R3HDM1: variants seen among roughly 807,000 people sequenced by gnomAD.
The protein encoded by R3HDM1 is R3H domain-containing protein 1.
R3HDM1 carries 46 observed loss-of-function variants against 141.1 expected under a neutral mutation model. That is an observed-to-expected ratio of 0.33 (90% CI 0.26 to 0.42). The LOEUF is 0.42. Among genes scored for constraint, R3HDM1 ranks in the 10% least tolerant of loss-of-function variants. The probability of loss-of-function intolerance (pLI) is 1.00; values close to 1 mark genes in which losing one functional copy is unlikely to be tolerated. For missense variants in R3HDM1, 1,184 were observed against 1,368.3 expected (o/e 0.87, Z 2.12); for synonymous variants, 435 against 472.9 (o/e 0.92, Z 1.04).
chr2:135,544,486 T>C (rs1173827148), intron 1 of R3HDM1, among the ~76,000 whole-genome samples: 1 of 152,172 alleles, frequency 6.6e-6, no homozygotes, highest in East Asian at 1.9e-4. Context: ...TTATCCGGCC[T>C]TTTAACTACA....
intron 21 of R3HDM1, among the ~76,000 whole-genome samples, chr2:135,703,017 G>A (rs2074441158): frequency 6.6e-6 from 1 of 152,100 alleles, no homozygotes; most frequent in South Asian, 2.1e-4. Context: ...ATCCTAATGC[G>A]CTGGTCAGAA....
intron 21 of R3HDM1, among the ~76,000 whole-genome samples, chr2:135,690,894 G>T (rs890266185): frequency 1.3e-5 from 2 of 151,926 alleles, no homozygotes; most frequent in Non-Finnish European, 2.9e-5. Context: ...GTAATACTTT[G>T]GATTTAAATT....
At chr2:135,655,365 C>T (rs2105290175) in intron 18 of R3HDM1, among the ~76,000 whole-genome samples, 1 of 152,216 alleles carries the variant, frequency 6.6e-6, no homozygotes, top group Admixed American at 6.5e-5. Context: ...CTCACCTTAC[C>T]CCATTATGTA....
intron 21 of R3HDM1, among the ~76,000 whole-genome samples, chr2:135,683,072 G>A (rs992081934): frequency 3.9e-5 from 6 of 152,164 alleles, no homozygotes; most frequent in African/African-American, 1.4e-4. Flanking sequence ...CTTGAAATAA[G>A]GTAGATGTAA....
rs189258176 is a variant in R3HDM1 at position 135,630,991 on chromosome 2, T to C, written c.498-727T>C. Among the ~76,000 whole-genome samples the C allele has an allele frequency of 7.2e-5, 11 of 152,282 alleles. No individual in the cohort carries two copies. The East Asian group carries it at 1.9e-3, about 27-fold the overall frequency. On this transcript the variant is annotated intron_variant, in intron 7 of 26. Transcript: ENST00000683871. ...ATACAGGTACTCCCTAGAGTCCTTA[T>C]TTATTTTATATGTTGGAGGTTTTTG...
chr2:135,629,319 C>G (rs1197751754), intron 7 of R3HDM1, among the ~76,000 whole-genome samples: 1 of 151,636 alleles, frequency 6.6e-6, no homozygotes, highest in African/African-American at 2.4e-5. Context: ...GTCTCAAAAA[C>G]AAACAAACAA....
chr2:135,672,690 G>A (rs940160922), intron 19 of R3HDM1, among the ~76,000 whole-genome samples: 63 of 152,168 alleles, frequency 4.1e-4, no homozygotes, highest in African/African-American at 1.4e-3. Flanking sequence ...TATATTTCAT[G>A]TCAAATTTTC....
chr2:135,572,723 G>A (rs1407854645), intron 1 of R3HDM1, among the ~76,000 whole-genome samples: 2 of 149,636 alleles, frequency 1.3e-5, no homozygotes, highest in Admixed American at 1.3e-4. Flanking sequence ...GTTCATAGCA[G>A]CATATTTATA....
chr2:135,631,996 A>G lies in R3HDM1; in HGVS notation c.693A>G (p.Thr231=). The G allele has an allele frequency of 6.2e-7, 1 of 1,601,330 alleles. No homozygotes were observed. The highest frequency in any genetic ancestry group is 1.7e-5 in the Admixed American group (1 of 58,816). Residue 231 remains threonine, a synonymous_variant, in exon 9 of 27, where the codon ACA becomes ACG. Transcript: ENST00000683871. ...TCATAGTAAACAAAACTAGCAATACAAGAATGTAAGTGTCAAGAGATGTAA... is the reference window on the plus strand; with the variant it reads ...TCATAGTAAACAAAACTAGCAATACGAGAATGTAAGTGTCAAGAGATGTAA... The part of the protein sequence containing the change: ...KSVIVNKTSN[T]RIPDQKFNEH...
chr2:135,640,096 C>T (rs2063636875), intron 14 of R3HDM1, among the ~76,000 whole-genome samples: 1 of 145,018 alleles, frequency 6.9e-6, no homozygotes, highest in African/African-American at 2.5e-5. Context: ...GAGACTCCGT[C>T]TCAAAAAAAA....
chr2:135,568,597 G>T (rs1198815564), intron 1 of R3HDM1, among the ~76,000 whole-genome samples: 1 of 150,220 alleles, frequency 6.7e-6, no homozygotes, highest in African/African-American at 2.5e-5. Flanking sequence ...TGATCTACCC[G>T]CCTTGGCCTC....
intron 1 of R3HDM1, among the ~76,000 whole-genome samples, chr2:135,533,407 TA>T (rs1348849556): frequency 6.6e-6 from 1 of 152,234 alleles, no homozygotes; most frequent in Non-Finnish European, 1.5e-5. Context: ...TGATAAATTA[TA>T]CAATCGATAC....
chr2:135,615,881 A>G lies in R3HDM1; in HGVS notation c.172-271A>G, dbSNP rs1035263985. ...CACCATATAAGTTCCATTGTACTCA[A>G]TTAACACAGAAATTGTGGCCATTTG... On this transcript the variant is annotated intron_variant, in intron 3 of 26. Coordinates refer to ENST00000683871, the MANE Select transcript of R3HDM1 (RefSeq NM_001378107.1). Among the ~76,000 whole-genome samples the G allele has an allele frequency of 5.3e-5, 8 of 152,236 alleles. 1 individual carries two copies. The highest frequency in any genetic ancestry group is 4.1e-4 in the South Asian group (2 of 4,830).
chr2:135,625,311 G>A (rs2061901381), intron 7 of R3HDM1, among the ~76,000 whole-genome samples: 1 of 152,014 alleles, frequency 6.6e-6, no homozygotes, highest in African/African-American at 2.4e-5. Context: ...TTAGCTGGGC[G>A]GTTCATGCCT....
intron 18 of R3HDM1, among the ~76,000 whole-genome samples, chr2:135,655,238 A>G (rs984381951): frequency 6.6e-6 from 1 of 152,162 alleles, no homozygotes; most frequent in Admixed American, 6.5e-5. Context: ...TTTTTCAAGT[A>G]TATATCTAGT....
intron 1 of R3HDM1, among the ~76,000 whole-genome samples, chr2:135,564,902 A>T (rs72988424): frequency 1.3e-5 from 2 of 152,050 alleles, no homozygotes; most frequent in African/African-American, 4.8e-5. Context: ...AAATGGATAA[A>T]GTATTCCTTT....
chr2:135,695,245 C>A (rs2073064503), intron 21 of R3HDM1, among the ~76,000 whole-genome samples: 1 of 152,182 alleles, frequency 6.6e-6, no homozygotes, highest in African/African-American at 2.4e-5. Context: ...TTAGTCTTGA[C>A]TCCAATCAGA....
chr2:135,544,162 A>G (rs969708314), intron 1 of R3HDM1, among the ~76,000 whole-genome samples: 1 of 152,236 alleles, frequency 6.6e-6, no homozygotes, highest in African/African-American at 2.4e-5. Context: ...TCATTCATTT[A>G]TATTTGTCGA....
At chr2:135,701,601 T>C (rs1203411591) in intron 21 of R3HDM1, among the ~76,000 whole-genome samples, 2 of 152,104 alleles carry the variant, frequency 1.3e-5, no homozygotes, top group Admixed American at 6.5e-5. Context: ...TCAGGTGATC[T>C]AGATCATCAA....
Sources: allele counts gnomAD v4.1 joint callset (sites outside exome capture counted in the v4.1 genomes callset), GRCh38; gene constraint gnomAD v4.1.1; transcripts MANE v1.5; gene names NCBI Gene and HGNC (gene_info 2026-07-23, HGNC 2026-07-21).